Variants in SLC38A8 observed in about 807,000 individuals in gnomAD.
SLC38A8 encodes solute carrier family 38 member 8.
In SLC38A8, 65 loss-of-function variants were observed where a neutral mutation model predicts 46.0. That is an observed-to-expected ratio of 1.41 (90% CI 1.16 to 1.74). The LOEUF is 1.74. SLC38A8 is among the 40% of genes most tolerant of loss of function. The pLI, the probability that SLC38A8 is intolerant of heterozygous loss-of-function variation, is 0.00. For missense variants in SLC38A8, 998 were observed against 567.9 expected (o/e 1.76, Z -7.70); for synonymous variants, 447 against 243.7 (o/e 1.83, Z -7.77).
At chr16:84,033,550 G>A (rs1456596379) in intron 3 of SLC38A8, 81 bp from the exon 4 acceptor site, 4 of 1,471,788 alleles carry the variant, frequency 2.7e-6, no homozygotes, top group South Asian at 1.4e-5. Context: ...TTCAACCCTG[G>A]CTGGGGTTGG....
At chr16:84,030,496 G>T (rs2085225004) in intron 5 of SLC38A8, among the ~76,000 whole-genome samples, 1 of 151,896 alleles carries the variant, frequency 6.6e-6, no homozygotes, top group African/African-American at 2.4e-5. Context: ...CTGAACTTCA[G>T]ACACACAGAC....
At chr16:84,013,342 G>C (rs1006123429) in intron 9 of SLC38A8, among the ~76,000 whole-genome samples, 1 of 152,052 alleles carries the variant, frequency 6.6e-6, no homozygotes, top group Non-Finnish European at 1.5e-5. Flanking sequence ...GAGTCTATGA[G>C]GAGATGGTGA....
intron 2 of SLC38A8, among the ~76,000 whole-genome samples, chr16:84,038,285 T>G (rs1190891501): frequency 6.6e-6 from 1 of 151,276 alleles, no homozygotes; most frequent in Admixed American, 6.6e-5. Flanking sequence ...TACTCCAGCC[T>G]GGGCCCCAAA....
intron 10 of SLC38A8, among the ~76,000 whole-genome samples, chr16:84,010,420 C>T (rs1162466373): frequency 6.6e-6 from 1 of 152,008 alleles, no homozygotes; most frequent in Non-Finnish European, 1.5e-5. Context: ...GTCATAAGCT[C>T]ATTCCTCCCC....
In SLC38A8 at chr16:84,026,889, G is replaced by A. The variant is rs114569701; in HGVS notation, c.690+2605C>T. 2.4e-3 allele frequency among the ~76,000 whole-genome samples: 359 copies of A among 152,288 alleles called. 5 individuals carry two copies. The highest frequency in any genetic ancestry group is 8.0e-3 in the African/African-American group (333 of 41,536). On this transcript the variant is annotated intron_variant, in intron 6 of 10. Transcript: ENST00000299709. ...GAGCTGCGGGCAGAGGTGGAGAATGGAGAGTGACTGACGGCGATGGGTTTC... is the reference window on the plus strand; with the variant it reads ...GAGCTGCGGGCAGAGGTGGAGAATGAAGAGTGACTGACGGCGATGGGTTTC...
At position 84,009,763 on chromosome 16, in the gene SLC38A8, C is replaced by A. The variant is rs1464090974; in HGVS notation, c.*21G>T. The A allele has an allele frequency of 8.7e-6, 14 of 1,608,570 alleles. No individual in the cohort carries two copies. The highest frequency in any genetic ancestry group is 2.2e-5 in the South Asian group (2 of 90,352). On this transcript the variant is annotated 3_prime_UTR_variant, in exon 11 of 11. Transcript: ENST00000299709. ...GGGTCAGCCCCCGGAGGGCCCCTTCCTGCCCGGCACTAGCTGCCCATCAGA... is the reference window on the plus strand; with the variant it reads ...GGGTCAGCCCCCGGAGGGCCCCTTCATGCCCGGCACTAGCTGCCCATCAGA...
At chr16:84,037,387 C>G (rs746899926) in intron 2 of SLC38A8, among the ~76,000 whole-genome samples, 1 of 143,890 alleles carries the variant, frequency 6.9e-6, no homozygotes, top group Non-Finnish European at 1.5e-5. Context: ...CGGCACCGCC[C>G]CCTTGCAGGG....
intron 4 of SLC38A8, among the ~76,000 whole-genome samples, chr16:84,033,038 G>C (rs980014525): frequency 6.6e-6 from 1 of 151,706 alleles, no homozygotes; most frequent in Non-Finnish European, 1.5e-5. Context: ...GTGGGTGTGG[G>C]TAGGTGTGTG....
intron 6 of SLC38A8, among the ~76,000 whole-genome samples, chr16:84,024,655 C>T (rs1472755533): frequency 1.3e-5 from 2 of 152,058 alleles, no homozygotes; most frequent in South Asian, 2.1e-4. Context: ...GTGGCAAGCA[C>T]CTGTAATCCT....
intron 2 of SLC38A8, among the ~76,000 whole-genome samples, chr16:84,041,729 C>T (rs1345661817): frequency 6.6e-6 from 1 of 152,192 alleles, no homozygotes; most frequent in Non-Finnish European, 1.5e-5. Flanking sequence ...GCTGCGATGC[C>T]TGTAGCTCCA....
At position 84,033,570 on chromosome 16, in the gene SLC38A8, C is replaced by G. The variant is rs562481164; in HGVS notation, c.389-101G>C. On this transcript the variant is annotated intron_variant, in intron 3 of 10. Transcript: ENST00000299709. ...CCCTGGCTGGGGTTGGACATCCACC[C>G]TCAGCCAGCCCCAGGAGCCCAGGGA... is the stretch of plus-strand genomic sequence containing the variant. 2.7e-5 allele frequency: 37 copies of G among 1,366,558 alleles called. No individual in the cohort carries two copies. The South Asian group carries it at 4.5e-4, about 17-fold the overall frequency. The allele number at this position is 1,366,558 out of a possible 1,614,324, so 84.7% of individuals were successfully genotyped here.
rs931782654 is a variant in SLC38A8 at position 84,017,125 on chromosome 16, T to C, written c.953+15A>G. 6 of 1,613,496 alleles carry C rather than the reference T, an allele frequency of 3.7e-6. No homozygotes were observed. In the African/African-American group the frequency reaches 6.7e-5, roughly 18 times the overall value. ...GACCATGCTTCACGGTGCCCCCCACTGAGCCAGGCCTCACCTCCCCAGGAA... is the reference window on the plus strand; with the variant it reads ...GACCATGCTTCACGGTGCCCCCCACCGAGCCAGGCCTCACCTCCCCAGGAA... On this transcript the variant is annotated intron_variant, in intron 8 of 10. Transcript: ENST00000299709.
At chr16:84,024,726 G>C (rs113905358) in intron 6 of SLC38A8, among the ~76,000 whole-genome samples, 5,045 of 152,204 alleles carry the variant, frequency 0.033, 296 homozygotes, top group African/African-American at 0.11. Flanking sequence ...GTCTCGCTCT[G>C]TCACCCAGAA....
intron 6 of SLC38A8, among the ~76,000 whole-genome samples, chr16:84,025,808 T>A (rs2085157369): frequency 6.6e-6 from 1 of 152,250 alleles, no homozygotes; most frequent in Admixed American, 6.5e-5. Flanking sequence ...CAGCCCTAGT[T>A]GAGCACAGCC....
At chr16:84,033,259 T>A (rs188344142) in intron 4 of SLC38A8, 69 bp downstream of exon 4, 2 of 1,604,644 alleles carry the variant, frequency 1.2e-6, no homozygotes, top group Non-Finnish European at 1.7e-6. Flanking sequence ...TGACCCCAGA[T>A]GGACAGAAAC....
intron 4 of SLC38A8, among the ~76,000 whole-genome samples, chr16:84,032,379 G>C (rs887546500): frequency 6.6e-6 from 1 of 152,192 alleles, no homozygotes; most frequent in Non-Finnish European, 1.5e-5. Flanking sequence ...AGTAGAGACA[G>C]GGTTTCACCG....
At chr16:84,017,067 C>A in intron 8 of SLC38A8, 73 bp downstream of exon 8, 1 of 1,578,364 alleles carries the variant, frequency 6.3e-7, no homozygotes, top group Non-Finnish European at 8.6e-7. Context: ...TAGCCCACAC[C>A]TGGTACATGC....
chr16:84,025,061 C>A (rs1021555716), intron 6 of SLC38A8, among the ~76,000 whole-genome samples: 1 of 152,132 alleles, frequency 6.6e-6, no homozygotes, highest in African/African-American at 2.4e-5. Flanking sequence ...CTGGGTGGGT[C>A]GTGGACATTG....
At chr16:84,042,872 C>T (rs1227451000), upstream of SLC38A8, among the ~76,000 whole-genome samples, 2 of 152,052 alleles carry the variant, frequency 1.3e-5, no homozygotes, top group Non-Finnish European at 2.9e-5. Flanking sequence ...GGCCCGGCCC[C>T]GGGGGTGGAG....
Sources: allele counts gnomAD v4.1 joint callset (sites outside exome capture counted in the v4.1 genomes callset), GRCh38; gene constraint gnomAD v4.1.1; transcripts MANE v1.5; gene names NCBI Gene and HGNC (gene_info 2026-07-23, HGNC 2026-07-21).